Variants in KCNJ3 observed in about 807,000 individuals in gnomAD.
KCNJ3 encodes the protein G protein-activated inward rectifier potassium channel 1.
KCNJ3 carries 4 observed loss-of-function variants against 39.2 expected under a neutral mutation model. The ratio of observed to expected loss-of-function variants is 0.10; its 90% CI spans 0.05 to 0.23. KCNJ3 has a LOEUF of 0.23. Among genes scored for constraint, KCNJ3 ranks in the 10% least tolerant of loss-of-function variants. The pLI is 1.00. For synonymous variants in KCNJ3, 230 were observed against 237.4 expected, an observed-to-expected ratio of 0.97 and a Z score of 0.29; for missense variants, 276 against 634.9, an observed-to-expected ratio of 0.43 and a Z score of 6.08.
chr2:154,842,452 A>G (rs967865466), intron 2 of KCNJ3, among the ~76,000 whole-genome samples: 3 of 152,332 alleles, frequency 2.0e-5, no homozygotes, highest in Admixed American at 6.5e-5. Flanking sequence ...GATGTCTATT[A>G]GGTCTGCTTG....
intron 2 of KCNJ3, among the ~76,000 whole-genome samples, chr2:154,821,184 C>T (rs1464615158): frequency 6.6e-6 from 1 of 152,176 alleles, no homozygotes; most frequent in African/African-American, 2.4e-5. Flanking sequence ...TTTGTCAGCA[C>T]AAGTTGTCAG....
At chr2:154,760,735 CTTTTTTTTTTT>C (rs887796000) in intron 2 of KCNJ3, among the ~76,000 whole-genome samples, 22 of 127,760 alleles carry the variant, frequency 1.7e-4, no homozygotes, top group Admixed American at 1.7e-3. Flanking sequence ...TCTTTTTTTT[CTTTTTTTTTTT>C]TTTTTTTTGA....
At position 154,699,150 on chromosome 2, in the gene KCNJ3, C is replaced by G; in HGVS notation, c.375C>G (p.Ala125=). 6.2e-7 allele frequency: 1 copy of G among 1,614,230 alleles called. No individual in the cohort carries two copies. The highest frequency in any genetic ancestry group is 8.5e-7 in the Non-Finnish European group (1 of 1,180,056). The stretch of plus-strand genomic sequence containing the variant: ...TCGGTAACTACACGCCTTGCGTGGC[C>G]AATGTCTATAACTTCCCTTCTGCCT... ...AHVGNYTPCV[A]NVYNFPSAFL... is the part of the protein sequence containing the mutation. Residue 125 remains alanine (A), a synonymous_variant, in exon 1 of 3, where the codon GCC becomes GCG. Coordinates refer to ENST00000295101, the MANE Select transcript of KCNJ3 (RefSeq NM_002239.4). This position sits in a 1 kb window ranked among gnomAD's most constrained non-coding sequence, Gnocchi z 6.4.
chr2:154,713,940 CA>C (rs1410931915), intron 2 of KCNJ3, among the ~76,000 whole-genome samples: 3 of 152,196 alleles, frequency 2.0e-5, no homozygotes, highest in African/African-American at 7.2e-5. Context: ...CTCCCAGTCC[CA>C]GCTGTCCCAT....
intron 2 of KCNJ3, among the ~76,000 whole-genome samples, chr2:154,795,454 T>C (rs1324161515): frequency 1.3e-5 from 2 of 152,026 alleles, no homozygotes; most frequent in East Asian, 1.9e-4. Flanking sequence ...AACTCCTTAA[T>C]TGGGCTTGGT....
chr2:154,714,711 C>T (rs1305029959), intron 2 of KCNJ3, among the ~76,000 whole-genome samples: 1 of 152,122 alleles, frequency 6.6e-6, no homozygotes, highest in South Asian at 2.1e-4. Context: ...TTATCCCTGC[C>T]CCCTGTTTTT....
chr2:154,760,039 T>G (rs187207541), intron 2 of KCNJ3, among the ~76,000 whole-genome samples: 18 of 152,260 alleles, frequency 1.2e-4, no homozygotes, highest in Admixed American at 2.0e-4. Flanking sequence ...ACAGATTTTC[T>G]AAATACTGTA....
At chr2:154,827,106 T>C (rs1687284337) in intron 2 of KCNJ3, among the ~76,000 whole-genome samples, 1 of 152,144 alleles carries the variant, frequency 6.6e-6, no homozygotes, top group African/African-American at 2.4e-5. Context: ...TTTTGCCGAA[T>C]TGTATCCTTC....
At chr2:154,712,589 T>G (rs2105153734) in intron 2 of KCNJ3, among the ~76,000 whole-genome samples, 1 of 152,304 alleles carries the variant, frequency 6.6e-6, no homozygotes, top group East Asian at 1.9e-4. Context: ...GATATAGTGG[T>G]GACCCGGACA....
chr2:154,816,602 T>C (rs368347674), intron 2 of KCNJ3, among the ~76,000 whole-genome samples: 1 of 152,184 alleles, frequency 6.6e-6, no homozygotes, highest in Non-Finnish European at 1.5e-5. Flanking sequence ...ACATATGGTG[T>C]TTAATACATA....
intron 2 of KCNJ3, among the ~76,000 whole-genome samples, chr2:154,774,946 A>C (rs1289009540): frequency 6.6e-6 from 1 of 151,986 alleles, no homozygotes; most frequent in Non-Finnish European, 1.5e-5. Flanking sequence ...ACAGGGTCTC[A>C]CTCTGTTGCC....
At position 154,699,657 on chromosome 2, in the gene KCNJ3, C is replaced by T. The variant is rs1223162365; in HGVS notation, c.702+180C>T. Reference sequence around the variant, plus strand: ...AAAGAATGCGGTTGACAGTTCTGTTCCTTTTCCACTCACTCTCGTGCTCTT... The same window carrying T: ...AAAGAATGCGGTTGACAGTTCTGTTTCTTTTCCACTCACTCTCGTGCTCTT... On this transcript the variant is annotated intron_variant, in intron 1 of 2. Transcript: ENST00000295101. The surrounding 1 kb of genome is among the most constrained non-coding windows in gnomAD (Gnocchi z 6.4). The T allele has an allele frequency of 2.6e-6, 1 of 386,796 alleles. No homozygotes were observed. The highest frequency in any genetic ancestry group is 6.5e-5 in the Admixed American group (1 of 15,502). 24.0% of individuals were successfully genotyped at this position (386,796 alleles called of 1,614,324 possible). A position where few individuals can be genotyped will look rare whatever the true frequency, so the allele number is the denominator to read the frequency against.
rs376798806 is a variant in KCNJ3, at chr2:154,854,911, G to A, written c.1104G>A (p.Ser368=). The change falls in exon 3 of 3, where the codon TCG becomes TCA. Residue 368 remains serine, a synonymous_variant. Coordinates refer to ENST00000295101, the MANE Select transcript of KCNJ3 (RefSeq NM_002239.4). ...VKEQEEMLLM[S]SPLIAPAITN... The stretch of plus-strand genomic sequence containing the variant: ...AGCAGGAGGAAATGCTTCTCATGTC[G>A]TCCCCTTTAATAGCACCAGCCATAA... 9.3e-6 allele frequency: 15 copies of A among 1,613,730 alleles called. No individual in the cohort carries two copies. Among genetic ancestry groups the A allele is most frequent in the African/African-American group, 4.0e-5 (3 of 74,846 alleles).
intron 2 of KCNJ3, among the ~76,000 whole-genome samples, chr2:154,718,323 A>C (rs1456748613): frequency 6.6e-6 from 1 of 152,184 alleles, no homozygotes; most frequent in Non-Finnish European, 1.5e-5. Context: ...AGGAGTTCCT[A>C]AATAAAATCC....
chr2:154,747,208 A>G (rs1341468195), intron 2 of KCNJ3, among the ~76,000 whole-genome samples: 1 of 151,994 alleles, frequency 6.6e-6, no homozygotes, highest in Non-Finnish European at 1.5e-5. Context: ...TATACTTGTC[A>G]TAAAACATAC....
chr2:154,777,729 C>CT (rs1686364017), intron 2 of KCNJ3, among the ~76,000 whole-genome samples: 1 of 152,018 alleles, frequency 6.6e-6, no homozygotes, highest in East Asian at 1.9e-4. Flanking sequence ...TTCAGTAATG[C>CT]TTTTGCAAAG....
chr2:154,750,693 A>G (rs969956769), intron 2 of KCNJ3, among the ~76,000 whole-genome samples: 3 of 151,924 alleles, frequency 2.0e-5, no homozygotes, highest in Non-Finnish European at 2.9e-5. Flanking sequence ...AATTTAATCT[A>G]TGGCTTGGAT....
chr2:154,789,309 C>T (rs1686587556), intron 2 of KCNJ3, among the ~76,000 whole-genome samples: 2 of 151,826 alleles, frequency 1.3e-5, no homozygotes, highest in South Asian at 2.1e-4. Flanking sequence ...TGTTGGAATA[C>T]CATGGGGCTT....
chr2:154,816,200 A>G (rs1054513094), intron 2 of KCNJ3, among the ~76,000 whole-genome samples: 1 of 152,204 alleles, frequency 6.6e-6, no homozygotes, highest in African/African-American at 2.4e-5. Flanking sequence ...CAGTTAAAAA[A>G]TTTTATAAAA....
Sources: gnomAD v4.1 joint callset for allele counts (sites outside exome capture counted in the v4.1 genomes callset) on GRCh38, gnomAD v4.1.1 for gene constraint, Gnocchi (gnomAD v3.1) non-coding constraint, MANE v1.5 for transcripts, NCBI Gene and HGNC (gene_info 2026-07-23, HGNC 2026-07-21) for gene names.